OTULIN: variants seen among roughly 807,000 people sequenced by gnomAD.
OTULIN encodes the protein ubiquitin thioesterase otulin.
In OTULIN, 15 loss-of-function variants were observed where a neutral mutation model predicts 39.6. The ratio of observed to expected loss-of-function variants is 0.38; its 90% confidence interval spans 0.25 to 0.58. OTULIN has a LOEUF of 0.58. Ranked by LOEUF, OTULIN falls within the 20% of genes least tolerant of loss-of-function variation. The probability of loss-of-function intolerance (pLI) is 0.66; values close to 1 mark genes in which losing one functional copy is unlikely to be tolerated. For synonymous variants in OTULIN, 156 were observed against 170.3 expected (o/e 0.92, Z 0.65); for missense variants, 319 against 445.9 (o/e 0.72, Z 2.56).
At chr5:14,702,791 A>G (rs950245479), downstream of OTULIN, among the ~76,000 whole-genome samples, 3 of 152,152 alleles carry the variant, frequency 2.0e-5, no homozygotes, top group Non-Finnish European at 4.4e-5. Context: ...TAAAGTTTGG[A>G]AATAATGATT....
downstream of OTULIN, among the ~76,000 whole-genome samples, chr5:14,700,354 A>G (rs531100272): frequency 1.3e-4 from 20 of 152,314 alleles, no homozygotes; most frequent in Non-Finnish European, 2.6e-4. Flanking sequence ...AGCATTGAAG[A>G]CCAGAAGGTT....
chr5:14,709,819 G>A, the OTULIN span: 1 of 152,566 alleles, frequency 6.6e-6, no homozygotes, highest in East Asian at 1.9e-4. Context: ...TCACCGTATT[G>A]TATTAGAGAC....
rs758390339 is a variant in OTULIN, at chr5:14,678,682, A to G, written c.231A>G (p.Glu77=). The stretch of plus-strand genomic sequence containing the variant: ...TTTTTTTTTTAAATTCTTTAACAGA[A>G]CCGAGATTAAGCGTAGCTCCTGAAA... ...ELLIHERGAS[E]PRLSVAPEMD... Residue 77 remains glutamate (E), a splice_region_variant and synonymous_variant, in exon 3 of 7, where the codon GAA becomes GAG. Transcript: ENST00000284274. 1.0e-5 allele frequency: 16 copies of G among 1,573,806 alleles called. No individual in the cohort carries two copies. The South Asian group carries it at 1.8e-4, about 18-fold the overall frequency.
intron 2 of OTULIN, among the ~76,000 whole-genome samples, chr5:14,676,083 C>T (rs1736096210): frequency 6.6e-6 from 1 of 151,506 alleles, no homozygotes; most frequent in Non-Finnish European, 1.5e-5. Context: ...TATCCTATTC[C>T]ACCCTGTTTG....
At chr5:14,700,829 G>GTGA (rs1383155454), downstream of OTULIN, among the ~76,000 whole-genome samples, 1 of 152,046 alleles carries the variant, frequency 6.6e-6, no homozygotes, top group East Asian at 1.9e-4. Flanking sequence ...CCTACCCCTG[G>GTGA]TGAAAACTCA....
At chr5:14,676,868 A>T (rs1009248747) in intron 2 of OTULIN, among the ~76,000 whole-genome samples, 5 of 152,170 alleles carry the variant, frequency 3.3e-5, no homozygotes, top group African/African-American at 1.2e-4. Flanking sequence ...CTAAGTAGAC[A>T]TGCAAAAAAA....
chr5:14,681,694 G>T (rs1579969453), intron 4 of OTULIN, 87 bp downstream of exon 4: 2 of 1,419,626 alleles, frequency 1.4e-6, no homozygotes, highest in East Asian at 5.0e-5. Context: ...CTACCTTCTA[G>T]TATCGTCTGC....
Position 14,696,162 on chromosome 5 carries a change from T to G in OTULIN, c.*3114T>G, listed in dbSNP as rs1736663264. Reference sequence around the variant, plus strand: ...CCTCTTCCCGATGTGCTGTTTTACCTAGGAGTTAGTCTGCTTTCTGAGGAT... The same window carrying G: ...CCTCTTCCCGATGTGCTGTTTTACCGAGGAGTTAGTCTGCTTTCTGAGGAT... On this transcript the variant is annotated 3_prime_UTR_variant, in exon 7 of 7. Transcript: ENST00000284274. The G allele has an allele frequency of 6.6e-6, 1 of 152,194 alleles. No individual in the cohort carries two copies. Among genetic ancestry groups the G allele is most frequent in the South Asian group, 2.1e-4 (1 of 4,836 alleles). The allele number at this position is 152,194 out of a possible 1,614,324, so 9.4% of individuals were successfully genotyped here. A position where few individuals can be genotyped will look rare whatever the true frequency, so the allele number is the denominator to read the frequency against.
the OTULIN span, chr5:14,711,020 T>G: frequency 1.5e-6 from 1 of 661,878 alleles, no homozygotes; most frequent in Non-Finnish European, 2.7e-6. Flanking sequence ...GGTCCCCCCG[T>G]CAGTGTGAGC....
chr5:14,714,000 ATC>A, the OTULIN span, among the ~76,000 whole-genome samples: 1 of 152,218 alleles, frequency 6.6e-6, no homozygotes, highest in Non-Finnish European at 1.5e-5. This position sits in a 1 kb window ranked among gnomAD's most constrained non-coding sequence, Gnocchi z 4.4. Flanking sequence ...CCCTCTGATC[ATC>A]TACCTCTAGA....
chr5:14,692,781 G>C, intron 6 of OTULIN, 73 bp from the exon 7 acceptor site: 2 of 1,358,482 alleles, frequency 1.5e-6, no homozygotes, highest in Non-Finnish European at 2.1e-6. Context: ...GTGGGATAAT[G>C]GATGGAACAT....
the OTULIN span, chr5:14,708,689 C>T: frequency 6.6e-6 from 1 of 152,320 alleles, no homozygotes; most frequent in South Asian, 2.1e-4. Flanking sequence ...GGATCACGTG[C>T]TTTAAGGTGA....
intron 1 of OTULIN, among the ~76,000 whole-genome samples, chr5:14,665,664 C>T (rs1007591587): frequency 4.6e-5 from 7 of 152,132 alleles, no homozygotes; most frequent in African/African-American, 1.7e-4. Context: ...TATAAATGCC[C>T]TTGGAATTTA....
rs1736252898 is a variant in OTULIN, at chr5:14,681,621, G to A, written c.468+14G>A. 1.9e-6 allele frequency: 3 copies of A among 1,595,086 alleles called. No individual in the cohort carries two copies. The East Asian group carries it at 6.7e-5, about 36-fold the overall frequency. ...GAGCTCATGCTGGTACGCTGCTGCT[G>A]CAGGTTTGAGTCCAAAATGTTTCAA... On this transcript the variant is annotated intron_variant, in intron 4 of 6. Transcript: ENST00000284274.
chr5:14,709,952 C>T, the OTULIN span: 1 of 152,150 alleles, frequency 6.6e-6, no homozygotes, highest in Non-Finnish European at 1.5e-5. Flanking sequence ...TCTAGGAATT[C>T]TGACTAAATC....
chr5:14,687,153 G>A (rs1736406404), intron 4 of OTULIN, among the ~76,000 whole-genome samples: 1 of 152,204 alleles, frequency 6.6e-6, no homozygotes, highest in Non-Finnish European at 1.5e-5. Flanking sequence ...CCCGAGCCAT[G>A]TGTTAGGTGG....
At chr5:14,685,439 A>G (rs250440) in intron 4 of OTULIN, among the ~76,000 whole-genome samples, 105,148 of 152,138 alleles carry the variant, frequency 0.69, 38,456 homozygotes, top group Middle Eastern at 0.85. Context: ...GCTTAGTGGA[A>G]AACAAAGGTT....
the OTULIN span, chr5:14,713,005 G>A: frequency 6.3e-7 from 1 of 1,591,790 alleles, no homozygotes; most frequent in Non-Finnish European, 8.6e-7. This position sits in a 1 kb window ranked among gnomAD's most constrained non-coding sequence, Gnocchi z 4.4. Context: ...CAATTTGTCT[G>A]TTAAGGCCAA....
chr5:14,667,746 C>T (rs1274358733), intron 1 of OTULIN, among the ~76,000 whole-genome samples: 1 of 152,202 alleles, frequency 6.6e-6, no homozygotes, highest in African/African-American at 2.4e-5. Flanking sequence ...TCCATACACC[C>T]AGCAGCTCAT....
Sources: gnomAD v4.1 joint callset for allele counts (sites outside exome capture counted in the v4.1 genomes callset) on GRCh38, gnomAD v4.1.1 for gene constraint, Gnocchi (gnomAD v3.1) non-coding constraint, MANE v1.5 for transcripts, NCBI Gene and HGNC (gene_info 2026-07-23, HGNC 2026-07-21) for gene names.